ABR: variants seen among roughly 807,000 people sequenced by gnomAD.
The protein encoded by ABR is ABR activator of RhoGEF and GTPase.
In ABR, 35 loss-of-function variants were observed where a neutral mutation model predicts 107.2. That is an observed-to-expected ratio of 0.33 (90% CI 0.25 to 0.43). The LOEUF (loss-of-function observed/expected upper bound fraction) is 0.43, where lower values mean the gene tolerates loss of function less well. Among genes scored for constraint, ABR ranks in the 20% least tolerant of loss-of-function variants. The pLI, the probability that ABR is intolerant of heterozygous loss-of-function variation, is 1.00. For synonymous variants in ABR, 498 were observed against 462.0 expected (o/e 1.08, Z -1.00); for missense variants, 815 against 1,115.2 (o/e 0.73, Z 3.83).
chr17:1,109,558 A>G (rs141581258), intron 2 of ABR, among the ~76,000 whole-genome samples: 16,812 of 151,782 alleles, frequency 0.11, 1,215 homozygotes, highest in Middle Eastern at 0.16. Flanking sequence ...GGTGGGGTGG[A>G]GCGGGGAGGC....
Position 1,148,172 on chromosome 17 carries a change from T to C in ABR, c.62-22805A>G, listed in dbSNP as rs12450281. 0.32 allele frequency among the ~76,000 whole-genome samples: 48,209 copies of C among 152,134 alleles called. 7,946 individuals are homozygous for C. The highest frequency in any genetic ancestry group is 0.37 in the East Asian group (1,930 of 5,170). ...CATTCCTAAGAGCATTATTGACACT[T>C]GCCAAAAAACAGAAACACCTCAAGT... On this transcript the variant is annotated intron_variant, in intron 1 of 22. Transcript: ENST00000302538. The surrounding 1 kb of genome is among the most constrained non-coding windows in gnomAD (Gnocchi z 4.9).
At chr17:1,095,210 C>A (rs1316423400) in intron 3 of ABR, among the ~76,000 whole-genome samples, 1 of 152,180 alleles carries the variant, frequency 6.6e-6, no homozygotes, top group Admixed American at 6.5e-5. Context: ...GCTCATCTGC[C>A]ACCCACACGA....
chr17:1,010,790 G>T lies in ABR; in HGVS notation c.2175C>A (p.Phe725Leu), dbSNP rs370232881. The T allele has an allele frequency of 6.2e-7, 1 of 1,613,856 alleles. No individual in the cohort carries two copies. Among genetic ancestry groups the T allele is most frequent in the Non-Finnish European group, 8.5e-7 (1 of 1,180,016 alleles). ...NAIAGTLKLY[F>L]RELPEPLLTD... ...TGAGGAGCGGCTCGGGCAGTTCCCG[G>T]AAGTACAGCTTGAGCGTCCCGGCGA... Residue 725 changes from phenylalanine to leucine, a missense_variant, in exon 20 of 23, where the codon TTC (phenylalanine) becomes TTA (leucine). Physicochemically the swap from Phe to Leu is conservative, Grantham distance 22 (BLOSUM62 0). This residue lies in a region of ABR where 175 missense variants were observed against 284.3 expected (regional missense o/e 0.62). Transcript: ENST00000302538. This position sits in a 1 kb window ranked among gnomAD's most constrained non-coding sequence, Gnocchi z 4.1.
chr17:1,073,615 T>A lies in ABR; in HGVS notation c.753+10A>T. On this transcript the variant is annotated intron_variant, in intron 7 of 22. Transcript: ENST00000302538. Reference sequence around the variant, plus strand: ...AGCCCTCTCTGGCCATTCGGAGGCTTGACACTCACGTGTAGGACTAGGGTG... The same window carrying A: ...AGCCCTCTCTGGCCATTCGGAGGCTAGACACTCACGTGTAGGACTAGGGTG... 6.4e-7 allele frequency: 1 copy of A among 1,573,236 alleles called. No homozygotes were observed. Among genetic ancestry groups the A allele is most frequent in the Non-Finnish European group, 8.7e-7 (1 of 1,154,254 alleles).
chr17:1,149,247 A>T (rs114163524), intron 1 of ABR, among the ~76,000 whole-genome samples: 7,912 of 150,968 alleles, frequency 0.052, 279 homozygotes, highest in African/African-American at 0.095. Flanking sequence ...ATCTAAATTT[A>T]AAAAAAAAGT....
At chr17:1,128,797 C>A (rs1257951892) in intron 1 of ABR, among the ~76,000 whole-genome samples, 3 of 132,680 alleles carry the variant, frequency 2.3e-5, no homozygotes, top group Non-Finnish European at 4.9e-5. Context: ...GACGTTTTCA[C>A]AAGCTGGGAG....
chr17:1,033,354 A>T (rs71357151), intron 16 of ABR, among the ~76,000 whole-genome samples: 67 of 152,122 alleles, frequency 4.4e-4, no homozygotes, highest in Non-Finnish European at 8.2e-4. Flanking sequence ...TAAGTCACTT[A>T]CCCCTCCCAA....
chr17:1,125,449 G>A lies in ABR; in HGVS notation c.62-82C>T, dbSNP rs768498318. ...TGGTAGCGTAGTGGGCGCCGGCGGC[G>A]GCCCCCGGCAGCCATGGCCCCGGCC... On this transcript the variant is annotated intron_variant, in intron 1 of 22. Coordinates refer to ENST00000302538, the MANE Select transcript of ABR (RefSeq NM_021962.5). 40 of 1,544,982 alleles carry A rather than the reference G, an allele frequency of 2.6e-5. No individual in the cohort carries two copies. The African/African-American group carries it at 3.4e-4, about 13-fold the overall frequency.
chr17:1,174,929 A>G (rs2041866728), intron 1 of ABR, among the ~76,000 whole-genome samples: 1 of 152,114 alleles, frequency 6.6e-6, no homozygotes, highest in African/African-American at 2.4e-5. Context: ...CTGCTTGGAG[A>G]ATCCCAGGGA....
At chr17:1,024,982 G>A (rs1597420364) in intron 16 of ABR, among the ~76,000 whole-genome samples, 1 of 149,952 alleles carries the variant, frequency 6.7e-6, no homozygotes, top group East Asian at 2.0e-4. Context: ...TTAGCTGGGC[G>A]AGGTGGCGGG....
rs2072346858 is a variant in ABR at position 1,027,928 on chromosome 17, C to T, written c.1792-14764G>A. 6.6e-6 allele frequency among the ~76,000 whole-genome samples: 1 copy of T among 152,066 alleles called. No individual in the cohort carries two copies. Among genetic ancestry groups the T allele is most frequent in the African/African-American group, 2.4e-5 (1 of 41,398 alleles). On this transcript the variant is annotated intron_variant, in intron 16 of 22. Coordinates refer to ENST00000302538, the MANE Select transcript of ABR (RefSeq NM_021962.5). The surrounding 1 kb of genome is among the most constrained non-coding windows in gnomAD (Gnocchi z 4.7). ...GCCCAAGACATATCTGTATCTTGTA[C>T]CCAGCACCTGTGTACCCTCGATGGC...
chr17:1,080,431 T>C (rs1048954033), intron 5 of ABR, among the ~76,000 whole-genome samples: 1 of 152,144 alleles, frequency 6.6e-6, no homozygotes, highest in Non-Finnish European at 1.5e-5. Flanking sequence ...AACAGGACAG[T>C]GCAGCCTGCA....
chr17:1,066,044 T>G (rs2034706070), intron 10 of ABR, among the ~76,000 whole-genome samples: 1 of 152,050 alleles, frequency 6.6e-6, no homozygotes, highest in Non-Finnish European at 1.5e-5. Context: ...CACGCCTGGA[T>G]AATTTTGTAT....
chr17:1,144,146 G>C (rs2040429574), intron 1 of ABR, among the ~76,000 whole-genome samples: 1 of 152,130 alleles, frequency 6.6e-6, no homozygotes, highest in African/African-American at 2.4e-5. Flanking sequence ...TTGGCAGAGG[G>C]AACTAAAATT....
rs977844508 is a variant in ABR at position 1,078,930 on chromosome 17, G to A, written c.700+400C>T. ...GCTCCCCGGCGCCCACCAGCAGCCC[G>A]GCCACTCAGCCACCTTGCTGATGCT... On this transcript the variant is annotated intron_variant, in intron 6 of 22. Coordinates refer to ENST00000302538, the MANE Select transcript of ABR (RefSeq NM_021962.5). The surrounding 1 kb of genome is among the most constrained non-coding windows in gnomAD (Gnocchi z 7.5). The A allele has an allele frequency of 1.2e-4, 185 of 1,530,690 alleles. 1 individual carries two copies. In the Admixed American group the frequency reaches 3.0e-3, roughly 25 times the overall value. The allele number at this position is 1,530,690 out of a possible 1,614,324, so 94.8% of individuals were successfully genotyped here. A position where few individuals can be genotyped will look rare whatever the true frequency, so the allele number is the denominator to read the frequency against.
intron 16 of ABR, among the ~76,000 whole-genome samples, chr17:1,018,442 C>T (rs143552106): frequency 1.1e-3 from 165 of 152,344 alleles, no homozygotes; most frequent in African/African-American, 3.8e-3. Context: ...TCTCTCCACA[C>T]ATCAGCATAA....
At chr17:1,123,170 A>AG (rs752549382) in intron 2 of ABR, among the ~76,000 whole-genome samples, 73 of 150,022 alleles carry the variant, frequency 4.9e-4, no homozygotes, top group Non-Finnish European at 9.8e-4. Flanking sequence ...CAGAAAGGGC[A>AG]GAAACGCTCC....
At chr17:1,119,816 G>A (rs1262896555) in intron 2 of ABR, among the ~76,000 whole-genome samples, 1 of 152,244 alleles carries the variant, frequency 6.6e-6, no homozygotes, top group African/African-American at 2.4e-5. Context: ...GCAGGCTCTG[G>A]CATCATAGAA....
At chr17:1,158,120 T>C (rs1239118215) in intron 1 of ABR, among the ~76,000 whole-genome samples, 1 of 152,110 alleles carries the variant, frequency 6.6e-6, no homozygotes, top group African/African-American at 2.4e-5. Context: ...TCCAGGCAGC[T>C]TTGACGGTGC....
Sources: allele counts gnomAD v4.1 joint callset (sites outside exome capture counted in the v4.1 genomes callset), GRCh38; gene constraint gnomAD v4.1.1; regional missense constraint gnomAD v4.1.1; non-coding constraint Gnocchi (gnomAD v3.1); transcripts MANE v1.5; gene names NCBI Gene and HGNC (gene_info 2026-07-23, HGNC 2026-07-21).